The following LPP variants were observed in gnomAD, a reference collection of about 807,000 sequenced individuals.
LPP encodes LIM domain containing preferred translocation partner in lipoma.
LPP carries 38 observed loss-of-function variants against 60.4 expected under a neutral mutation model. The ratio of observed to expected loss-of-function variants is 0.63; its 90% CI spans 0.49 to 0.83. LPP has a LOEUF of 0.83. LPP is among the 40% of genes least tolerant of loss of function. The pLI is 0.00. For synonymous variants in LPP, 328 were observed against 290.8 expected (o/e 1.13, Z -1.30); for missense variants, 902 against 783.6 (o/e 1.15, Z -1.80).
chr3:188,758,168 T>G (rs910942992), intron 8 of LPP, among the ~76,000 whole-genome samples: 2 of 152,140 alleles, frequency 1.3e-5, no homozygotes, highest in African/African-American at 2.4e-5. Context: ...ACTTCATATT[T>G]CTTTTTGGTT....
chr3:188,562,710 A>G (rs984859840), intron 6 of LPP, among the ~76,000 whole-genome samples: 38 of 152,090 alleles, frequency 2.5e-4, no homozygotes, highest in African/African-American at 9.1e-4. Flanking sequence ...TTTGGGAAAG[A>G]AGCAGTTTTA....
chr3:188,816,188 G>T, intron 9 of LPP, among the ~76,000 whole-genome samples: 1 of 147,588 alleles, frequency 6.8e-6, no homozygotes. Context: ...GAATTGTAAG[G>T]CTTCCTTCTC....
At chr3:188,451,358 A>G (rs1047783723) in intron 4 of LPP, among the ~76,000 whole-genome samples, 1 of 152,186 alleles carries the variant, frequency 6.6e-6, no homozygotes, top group Non-Finnish European at 1.5e-5. Context: ...CATACTGGCT[A>G]TTCAGCAGGG....
chr3:188,441,917 C>G (rs1794082250), intron 4 of LPP, among the ~76,000 whole-genome samples: 1 of 151,896 alleles, frequency 6.6e-6, no homozygotes, highest in South Asian at 2.1e-4. Context: ...GCCACCGCGC[C>G]CGGCCGCAAT....
At chr3:188,636,215 G>A (rs553739479) in intron 7 of LPP, among the ~76,000 whole-genome samples, 74 of 152,348 alleles carry the variant, frequency 4.9e-4, no homozygotes, top group Middle Eastern at 3.4e-3. Context: ...TGTGCGAGCC[G>A]AAGCAGGGCG....
At chr3:188,507,103 C>A (rs1308898022) in intron 5 of LPP, among the ~76,000 whole-genome samples, 2 of 152,070 alleles carry the variant, frequency 1.3e-5, no homozygotes, top group African/African-American at 4.8e-5. Flanking sequence ...GGCCCATAAC[C>A]TTTATTTTAT....
intron 7 of LPP, among the ~76,000 whole-genome samples, chr3:188,612,949 A>G (rs1385526859): frequency 6.6e-6 from 1 of 152,118 alleles, no homozygotes; most frequent in African/African-American, 2.4e-5. Flanking sequence ...GAAAGGAAAG[A>G]GGCAGAATGA....
intron 2 of LPP, among the ~76,000 whole-genome samples, chr3:188,263,700 G>C (rs145618135): frequency 6.6e-6 from 1 of 152,202 alleles, no homozygotes; most frequent in Admixed American, 6.5e-5. Flanking sequence ...CTCATAATCC[G>C]TCACGTAGAA....
At chr3:188,480,321 C>T (rs1342432326) in intron 4 of LPP, among the ~76,000 whole-genome samples, 1 of 152,150 alleles carries the variant, frequency 6.6e-6, no homozygotes, top group Non-Finnish European at 1.5e-5. Flanking sequence ...TTGCACCCAG[C>T]AAAAACCTTT....
intron 2 of LPP, among the ~76,000 whole-genome samples, chr3:188,245,795 G>A (rs1447630360): frequency 6.6e-6 from 1 of 151,808 alleles, no homozygotes; most frequent in Non-Finnish European, 1.5e-5. Context: ...TCCCACCTCG[G>A]CCTTCCAAAG....
At chr3:188,594,368 G>A (rs944508598) in intron 6 of LPP, among the ~76,000 whole-genome samples, 8 of 152,196 alleles carry the variant, frequency 5.3e-5, no homozygotes, top group Non-Finnish European at 7.3e-5. Flanking sequence ...TTAAGCCAGT[G>A]TTCTTTAGCT....
rs563585583 is a variant in LPP, at chr3:188,267,491, A to G, written c.-67+41964A>G. On this transcript the variant is annotated intron_variant, in intron 2 of 11. Transcript: ENST00000617246. ...TCAATATGTAAAATAATCAAAGTGC[A>G]GTTAAATGGTGGTGCTGTTGTTAAA... is the stretch of plus-strand genomic sequence containing the variant. Among the ~76,000 whole-genome samples the G allele has an allele frequency of 4.6e-5, 7 of 152,360 alleles. No individual in the cohort carries two copies. The South Asian group carries it at 6.2e-4, about 14-fold the overall frequency.
chr3:188,667,105 A>G (rs1214311305), intron 7 of LPP, among the ~76,000 whole-genome samples: 1 of 152,228 alleles, frequency 6.6e-6, no homozygotes, highest in Non-Finnish European at 1.5e-5. Flanking sequence ...GAATCTTTTG[A>G]CACTGAAGTT....
chr3:188,578,464 A>T (rs1835282682), intron 6 of LPP, among the ~76,000 whole-genome samples: 1 of 152,170 alleles, frequency 6.6e-6, no homozygotes, highest in Admixed American at 6.5e-5. Flanking sequence ...TTCATTTTAT[A>T]ATACTGTCTT....
chr3:188,240,274 G>A (rs190889963), intron 2 of LPP: 2 of 170,050 alleles, frequency 1.2e-5, no homozygotes, highest in African/African-American at 2.4e-5. Context: ...GGGGAACATG[G>A]GTAGGAATAG....
At chr3:188,277,491 A>C (rs2149868676) in intron 2 of LPP, among the ~76,000 whole-genome samples, 1 of 152,286 alleles carries the variant, frequency 6.6e-6, no homozygotes, top group South Asian at 2.1e-4. Flanking sequence ...CTTTTCCGGA[A>C]AGTCTCATGA....
chr3:188,253,457 G>A (rs565046502), intron 2 of LPP, among the ~76,000 whole-genome samples: 19 of 152,194 alleles, frequency 1.2e-4, no homozygotes, highest in South Asian at 6.2e-4. Flanking sequence ...TTTTCCAAAT[G>A]GTTATCTGCT....
At chr3:188,275,667 C>A (rs2149837737) in intron 2 of LPP, among the ~76,000 whole-genome samples, 1 of 144,544 alleles carries the variant, frequency 6.9e-6, no homozygotes, top group Admixed American at 6.9e-5. Context: ...TATTGAGCAC[C>A]TGCTGTATTC....
intron 6 of LPP, among the ~76,000 whole-genome samples, chr3:188,528,671 T>G (rs545592690): frequency 5.8e-4 from 88 of 152,314 alleles, no homozygotes; most frequent in African/African-American, 1.9e-3. Flanking sequence ...GATGTGCTCC[T>G]TTCAGGGATG....
Sources: gnomAD v4.1 joint callset for allele counts (sites outside exome capture counted in the v4.1 genomes callset) on GRCh38, gnomAD v4.1.1 for gene constraint, MANE v1.5 for transcripts, NCBI Gene and HGNC (gene_info 2026-07-23, HGNC 2026-07-21) for gene names.